DCC: variants seen among roughly 807,000 people sequenced by gnomAD.
DCC encodes DCC netrin 1 receptor, also known as netrin receptor DCC.
Under a neutral mutation model 172.5 loss-of-function variants are expected in DCC, and 58 were observed. The observed-to-expected ratio is 0.34, with a 90% CI of 0.27 to 0.42. The LOEUF is 0.42. DCC is among the 10% of genes least tolerant of loss of function. DCC has a pLI of 1.00. For synonymous variants in DCC, 709 were observed against 644.5 expected, an observed-to-expected ratio of 1.10 and a Z score of -1.52; for missense variants, 1,740 against 1,791.0, an observed-to-expected ratio of 0.97 and a Z score of 0.51.
intron 1 of DCC, among the ~76,000 whole-genome samples, chr18:52,661,564 G>A (rs1450145460): frequency 2.6e-4 from 40 of 152,204 alleles, no homozygotes; most frequent in Non-Finnish European, 8.8e-5. Context: ...CAGGAGATGG[G>A]AGAATTCCTC....
intron 1 of DCC, among the ~76,000 whole-genome samples, chr18:52,473,918 C>T (rs559858318): frequency 1.4e-3 from 213 of 152,216 alleles, no homozygotes; most frequent in African/African-American, 5.1e-3. Context: ...ACCAAAGCCC[C>T]TTCCACCTTC....
intron 9 of DCC, among the ~76,000 whole-genome samples, chr18:53,202,401 A>C (rs1006870788): frequency 9.2e-5 from 14 of 152,194 alleles, no homozygotes; most frequent in Non-Finnish European, 1.9e-4. Flanking sequence ...CCATGTGCCC[A>C]TTGAAATAAA....
At chr18:53,057,079 T>TAAAAAAAAAAAAAAAA (rs11316527) in intron 5 of DCC, among the ~76,000 whole-genome samples, 1 of 89,326 alleles carries the variant, frequency 1.1e-5, no homozygotes. Context: ...CTTCTAAAAG[T>TAAAAAAAAAAAAAAAA]AAAAAAAAAA....
Position 52,359,487 on chromosome 18 carries a change from G to T in DCC, c.91+18609G>T, listed in dbSNP as rs375177263. ...TTCTGGTGATTGGCATGGTAATCAG[G>T]ACACTTCTGGGGATTTCAGAGTAAG... On this transcript the variant is annotated intron_variant, in intron 1 of 28. Coordinates refer to ENST00000442544, the MANE Select transcript of DCC (RefSeq NM_005215.4). Among the ~76,000 whole-genome samples the T allele has an allele frequency of 2.8e-4, 42 of 152,202 alleles. No homozygotes were observed. The East Asian group carries it at 6.8e-3, about 25-fold the overall frequency.
chr18:52,400,030 A>G (rs571869067), intron 1 of DCC, among the ~76,000 whole-genome samples: 1 of 152,170 alleles, frequency 6.6e-6, no homozygotes, highest in South Asian at 2.1e-4. Context: ...ATACCATTCT[A>G]TGGAATTTCT....
intron 22 of DCC, among the ~76,000 whole-genome samples, chr18:53,439,769 C>CTTTTTCTTTTT (rs1358622506): frequency 9.4e-5 from 12 of 127,248 alleles, no homozygotes; most frequent in Middle Eastern, 4.2e-3. Flanking sequence ...TAGTATTTTT[C>CTTTTTCTTTTT]TTTTTTTTTT....
At chr18:53,143,010 C>A (rs993348779) in intron 7 of DCC, among the ~76,000 whole-genome samples, 7 of 152,048 alleles carry the variant, frequency 4.6e-5, no homozygotes, top group African/African-American at 1.2e-4. Flanking sequence ...GGAAAGAATA[C>A]CACAGAGGGG....
chr18:53,527,681 A>G (rs1320433658), intron 28 of DCC, among the ~76,000 whole-genome samples: 4 of 151,858 alleles, frequency 2.6e-5, no homozygotes, highest in African/African-American at 9.7e-5. Flanking sequence ...GAGAAGGGGA[A>G]AAAATCAGAA....
At chr18:53,312,270 G>C (rs1278203383) in intron 13 of DCC, among the ~76,000 whole-genome samples, 1 of 148,566 alleles carries the variant, frequency 6.7e-6, no homozygotes. Flanking sequence ...GAATCCGGGA[G>C]GTGGGGCTTG....
chr18:53,271,703 A>T (rs1435466111), intron 12 of DCC, among the ~76,000 whole-genome samples: 1 of 152,050 alleles, frequency 6.6e-6, no homozygotes, highest in Non-Finnish European at 1.5e-5. Flanking sequence ...TGTAACCACC[A>T]CTTTTTCTGT....
At chr18:52,776,629 G>C (rs1294890834) in intron 2 of DCC, among the ~76,000 whole-genome samples, 4 of 152,102 alleles carry the variant, frequency 2.6e-5, no homozygotes, top group African/African-American at 9.7e-5. Flanking sequence ...GCAGGAGGTG[G>C]GGATGGGCGG....
chr18:53,088,536 A>G (rs2144168277), intron 7 of DCC, among the ~76,000 whole-genome samples: 1 of 152,314 alleles, frequency 6.6e-6, no homozygotes, highest in East Asian at 1.9e-4. Flanking sequence ...ATATACAATC[A>G]TGTCGTCTGC....
At chr18:52,974,347 T>C (rs2041078278) in intron 5 of DCC, among the ~76,000 whole-genome samples, 1 of 152,148 alleles carries the variant, frequency 6.6e-6, no homozygotes, top group African/African-American at 2.4e-5. Flanking sequence ...AAATAGGTTG[T>C]CATTAAGGTC....
chr18:52,869,437 G>GTCCA (rs2039282330), intron 2 of DCC, among the ~76,000 whole-genome samples: 1 of 152,174 alleles, frequency 6.6e-6, no homozygotes, highest in African/African-American at 2.4e-5. Flanking sequence ...GCCTGCATTG[G>GTCCA]TCCATGGGTG....
At chr18:53,204,501 C>T (rs893858764) in intron 9 of DCC, among the ~76,000 whole-genome samples, 1 of 151,140 alleles carries the variant, frequency 6.6e-6, no homozygotes, top group Non-Finnish European at 1.5e-5. Flanking sequence ...GAGATGTGAT[C>T]ATGCCACTGC....
chr18:52,361,542 T>C (rs527411014), intron 1 of DCC, among the ~76,000 whole-genome samples: 4 of 152,338 alleles, frequency 2.6e-5, no homozygotes, highest in African/African-American at 9.6e-5. Flanking sequence ...CATGCCTGTC[T>C]TCTAAAAGTG....
intron 7 of DCC, among the ~76,000 whole-genome samples, chr18:53,069,805 A>C (rs2042627787): frequency 2.7e-5 from 4 of 150,458 alleles, no homozygotes; most frequent in Admixed American, 2.0e-4. Flanking sequence ...AGGCAGTCCT[A>C]CTGCCCCCTT....
chr18:52,494,060 G>C (rs1598861890), intron 1 of DCC, among the ~76,000 whole-genome samples: 1 of 151,828 alleles, frequency 6.6e-6, no homozygotes, highest in East Asian at 1.9e-4. Context: ...TGTTAAAATG[G>C]GTTATTTTGC....
intron 5 of DCC, among the ~76,000 whole-genome samples, chr18:53,061,362 A>G (rs1358852579): frequency 1.3e-5 from 2 of 152,036 alleles, no homozygotes; most frequent in African/African-American, 2.4e-5. Flanking sequence ...GTTTGTATAC[A>G]TACGTAAACG....
Sources: gnomAD v4.1 joint callset for allele counts (sites outside exome capture counted in the v4.1 genomes callset) on GRCh38, gnomAD v4.1.1 for gene constraint, MANE v1.5 for transcripts, NCBI Gene and HGNC (gene_info 2026-07-23, HGNC 2026-07-21) for gene names.